LRIG1: variants seen among roughly 807,000 people sequenced by gnomAD.
LRIG1 encodes leucine-rich repeats and immunoglobulin-like domains protein 1.
Under a neutral mutation model 99.2 loss-of-function variants are expected in LRIG1, and 48 were observed. The observed-to-expected ratio is 0.48, with a 90% CI of 0.38 to 0.62. The LOEUF is 0.62. Ranked by LOEUF, LRIG1 falls within the 20% of genes least tolerant of loss-of-function variation. LRIG1 has a pLI of 0.00. For missense variants in LRIG1, 1,646 were observed against 1,434.4 expected, an observed-to-expected ratio of 1.15 and a Z score of -2.38; for synonymous variants, 772 against 596.1, an observed-to-expected ratio of 1.29 and a Z score of -4.30.
intron 3 of LRIG1, among the ~76,000 whole-genome samples, chr3:66,440,463 G>A (rs1418786071): frequency 6.6e-6 from 1 of 152,196 alleles, no homozygotes; most frequent in East Asian, 1.9e-4. Context: ...GGAATGAACA[G>A]ATACATATAC....
At chr3:66,469,907 CA>C (rs55768550) in intron 1 of LRIG1, among the ~76,000 whole-genome samples, 20 of 115,762 alleles carry the variant, frequency 1.7e-4, no homozygotes, top group African/African-American at 3.1e-4. Context: ...CTGTCCCTAC[CA>C]AAAAAAAAAA....
intron 3 of LRIG1, among the ~76,000 whole-genome samples, chr3:66,438,399 G>A (rs1476061984): frequency 6.6e-6 from 1 of 152,194 alleles, no homozygotes; most frequent in Admixed American, 6.5e-5. Flanking sequence ...CTCCAGTAGG[G>A]AAGCAGCCAT....
chr3:66,436,335 C>A (rs13063909), intron 3 of LRIG1, among the ~76,000 whole-genome samples: 26,164 of 152,166 alleles, frequency 0.17, 2,391 homozygotes, highest in Admixed American at 0.25. Flanking sequence ...TGGGTGCAGG[C>A]AAGCTCAGGA....
intron 8 of LRIG1, chr3:66,405,831 T>A: frequency 1.7e-6 from 2 of 1,143,168 alleles, no homozygotes; most frequent in Non-Finnish European, 2.2e-6. Context: ...GGAGGACATC[T>A]GGGTGCTGAG....
intron 13 of LRIG1, among the ~76,000 whole-genome samples, chr3:66,385,295 G>T (rs1222464831): frequency 6.6e-6 from 1 of 152,202 alleles, no homozygotes; most frequent in Non-Finnish European, 1.5e-5. Flanking sequence ...CTCTGGAGCA[G>T]TAGCTAGCCT....
At chr3:66,454,243 T>G (rs1703997458) in intron 2 of LRIG1, among the ~76,000 whole-genome samples, 1 of 152,166 alleles carries the variant, frequency 6.6e-6, no homozygotes, top group East Asian at 1.9e-4. Context: ...GCTCCCTTTT[T>G]GTTCACTCTG....
At chr3:66,405,318 G>T (rs201295159) in intron 8 of LRIG1, 40 bp from the exon 9 acceptor site, 120 of 1,529,766 alleles carry the variant, frequency 7.8e-5, no homozygotes, top group Non-Finnish European at 9.4e-5. Context: ...AGCAGTCGGG[G>T]CGTGAAGGGA....
At chr3:66,472,498 A>G (rs1700626169) in intron 1 of LRIG1, among the ~76,000 whole-genome samples, 1 of 152,056 alleles carries the variant, frequency 6.6e-6, no homozygotes, top group African/African-American at 2.4e-5. Context: ...TTCACCACTT[A>G]ACGGTGAGTG....
intron 12 of LRIG1, chr3:66,387,108 G>C (rs1701412089): frequency 6.7e-6 from 1 of 148,784 alleles, no homozygotes; most frequent in African/African-American, 2.5e-5. Context: ...CTAGCCCCAG[G>C]GCACATGACT....
At chr3:66,429,440 T>C (rs567300057) in intron 3 of LRIG1, among the ~76,000 whole-genome samples, 1 of 152,300 alleles carries the variant, frequency 6.6e-6, no homozygotes, top group African/African-American at 2.4e-5. Flanking sequence ...CCTAAGGAAA[T>C]ACACATTGTT....
rs1297054758 is a variant in LRIG1, at chr3:66,410,113, A to G, written c.935+16T>C. On this transcript the variant is annotated intron_variant, in intron 7 of 18. Transcript: ENST00000273261. ...GTCTAAAAACACTGCCACAGCCCAG[A>G]GCCGAGGACACTTACAACTCATGCA... 1.2e-6 allele frequency: 2 copies of G among 1,602,732 alleles called. No homozygotes were observed. Among genetic ancestry groups the G allele is most frequent in the Non-Finnish European group, 1.7e-6 (2 of 1,174,480 alleles).
chr3:66,500,429 A>T lies in LRIG1; in HGVS notation c.-22T>A. The stretch of plus-strand genomic sequence containing the variant: ...CCATCTTGTCTGGAGCGCGCTGCGA[A>T]CTCCGGGCGCGGGGACTGTGAGGAC... On this transcript the variant is annotated 5_prime_UTR_variant, in exon 1 of 19. Transcript: ENST00000273261. 7.5e-7 allele frequency: 1 copy of T among 1,339,468 alleles called. No individual in the cohort carries two copies. Among genetic ancestry groups the T allele is most frequent in the Non-Finnish European group, 9.6e-7 (1 of 1,046,860 alleles). 83.0% of individuals were successfully genotyped at this position (1,339,468 alleles called of 1,614,324 possible).
At chr3:66,484,907 C>T (rs1467450016) in intron 1 of LRIG1, among the ~76,000 whole-genome samples, 1 of 152,140 alleles carries the variant, frequency 6.6e-6, no homozygotes, top group Non-Finnish European at 1.5e-5. Context: ...GTAATCCCAG[C>T]ATTTTGGGAG....
intron 1 of LRIG1, among the ~76,000 whole-genome samples, chr3:66,489,006 A>G (rs1366043613): frequency 1.3e-5 from 2 of 152,170 alleles, no homozygotes; most frequent in African/African-American, 4.8e-5. Flanking sequence ...AAAATTCTAA[A>G]TCAAAGATCG....
chr3:66,412,692 G>A (rs778292540), intron 6 of LRIG1, among the ~76,000 whole-genome samples, 179 bp downstream of exon 6: 3 of 151,960 alleles, frequency 2.0e-5, no homozygotes, highest in East Asian at 1.9e-4. Context: ...GGGCGCGCAC[G>A]TGCACACGCG....
At chr3:66,398,302 C>G in intron 10 of LRIG1, 119 bp from the exon 11 acceptor site, 1 of 710,472 alleles carries the variant, frequency 1.4e-6, no homozygotes, top group Non-Finnish European at 2.4e-6. Flanking sequence ...GTCCTAACTA[C>G]TATAAGTGGC....
In LRIG1 at chr3:66,380,402, T is replaced by C; in HGVS notation, c.3143A>G (p.Glu1048Gly). The C allele has an allele frequency of 1.2e-6, 2 of 1,614,130 alleles. No homozygotes were observed. Among genetic ancestry groups the C allele is most frequent in the Non-Finnish European group, 1.7e-6 (2 of 1,180,022 alleles). Reference sequence around the variant, plus strand: ...AAGCAAGTACTGGGCTTCCGCGCGCTCTGGACTGCCTGAAGTTAATGAAGA... The same window carrying C: ...AAGCAAGTACTGGGCTTCCGCGCGCCCTGGACTGCCTGAAGTTAATGAAGA... The part of the protein sequence containing the change: ...PASSLTSGSP[E>G]RAEAQYLLVS... The change falls in exon 19 of 19, where the codon GAG (glutamate) becomes GGG (glycine). Residue 1048 changes from glutamate (E) to glycine (G), a missense_variant. Coordinates refer to ENST00000273261, the MANE Select transcript of LRIG1 (RefSeq NM_015541.3).
chr3:66,500,327 C>G lies in LRIG1; in HGVS notation c.81G>C (p.Arg27=). The G allele has an allele frequency of 6.7e-7, 1 of 1,494,394 alleles. No homozygotes were observed. Among genetic ancestry groups the G allele is most frequent in the South Asian group, 1.3e-5 (1 of 79,250 alleles). 92.6% of individuals were successfully genotyped at this position (1,494,394 alleles called of 1,614,324 possible). A position where few individuals can be genotyped will look rare whatever the true frequency, so the allele number is the denominator to read the frequency against. ...CLLLLWLLLL[R]LEPVTAAAGP... ...CGGCCGCGGCGGTCACCGGCTCCAG[C>G]CGAAGCAAAAGCAGCCAGAGAAGGA... Residue 27 remains arginine, a synonymous_variant, in exon 1 of 19, where the codon CGG becomes CGC. Transcript: ENST00000273261.
chr3:66,409,349 T>C (rs1488192714), intron 7 of LRIG1, among the ~76,000 whole-genome samples: 2 of 152,234 alleles, frequency 1.3e-5, no homozygotes, highest in African/African-American at 2.4e-5. Flanking sequence ...CTGCGTTCAC[T>C]GTCCAGTAAC....
Sources: allele counts gnomAD v4.1 joint callset (sites outside exome capture counted in the v4.1 genomes callset), GRCh38; gene constraint gnomAD v4.1.1; transcripts MANE v1.5; gene names NCBI Gene and HGNC (gene_info 2026-07-23, HGNC 2026-07-21).